Variants in IL1RAPL1 observed in about 807,000 individuals in gnomAD.
The protein encoded by IL1RAPL1 is interleukin-1 receptor accessory protein-like 1.
Under a neutral mutation model 48.4 loss-of-function variants are expected in IL1RAPL1, and 3 were observed. The observed-to-expected ratio is 0.06, with a 90% CI of 0.03 to 0.16. The LOEUF (loss-of-function observed/expected upper bound fraction) is 0.16, where lower values mean the gene tolerates loss of function less well. IL1RAPL1 is among the 10% of genes least tolerant of loss of function. The pLI, the probability that IL1RAPL1 is intolerant of heterozygous loss-of-function variation, is 1.00. For synonymous variants in IL1RAPL1, 185 were observed against 187.7 expected (o/e 0.99, Z 0.12); for missense variants, 349 against 530.6 (o/e 0.66, Z 3.36).
Position 29,472,689 on chromosome X carries a change from A to G in IL1RAPL1, c.703+73381A>G, listed in dbSNP as rs1440579452. 3.6e-5 allele frequency among the ~76,000 whole-genome samples: 4 copies of G among 111,932 alleles called. No homozygotes were observed. In the East Asian group the frequency reaches 1.1e-3, roughly 31 times the overall value. On this transcript the variant is annotated intron_variant, in intron 5 of 10. Transcript: ENST00000378993. ...CTGGGTTCAGATCCAAAGTCTACAC[A>G]TACTCCCCGTGTGAACTTGGAGAAG...
At chrX:28,928,724 C>T (rs748334334) in intron 2 of IL1RAPL1, among the ~76,000 whole-genome samples, 2 of 112,160 alleles carry the variant, frequency 1.8e-5, no homozygotes, top group Admixed American at 1.9e-4. Context: ...GGAACAGTCA[C>T]TCTCAATCAC....
At position 28,806,061 on chromosome X, in the gene IL1RAPL1, C is replaced by T. The variant is rs771311116; in HGVS notation, c.82+16636C>T. 3.6e-5 allele frequency among the ~76,000 whole-genome samples: 4 copies of T among 111,161 alleles called. No homozygotes were observed. In the South Asian group the frequency reaches 1.5e-3, roughly 42 times the overall value. On this transcript the variant is annotated intron_variant, in intron 2 of 10. Transcript: ENST00000378993. ...CCAGAAACTCCTTGAGGAATGATCT[C>T]TATATAGGTTAAGTTCATTAATGAG...
chrX:29,637,156 AT>A (rs972569621), intron 5 of IL1RAPL1, among the ~76,000 whole-genome samples: 66 of 109,672 alleles, frequency 6.0e-4, no homozygotes, highest in African/African-American at 2.2e-3. Context: ...GATGAACTAG[AT>A]TTCTCTGTAT....
intron 2 of IL1RAPL1, among the ~76,000 whole-genome samples, chrX:29,144,366 G>A (rs1235398459): frequency 1.8e-5 from 2 of 109,793 alleles, no homozygotes; most frequent in African/African-American, 6.6e-5. Context: ...ACTTTGGGAG[G>A]CCGAGGCAGG....
intron 5 of IL1RAPL1, among the ~76,000 whole-genome samples, chrX:29,474,285 C>T (rs1169310214): frequency 3.6e-5 from 4 of 111,862 alleles, no homozygotes; most frequent in Non-Finnish European, 7.5e-5. Context: ...TACTTACTCT[C>T]CAAAAATGTA....
chrX:28,993,879 C>T (rs1427529502), intron 2 of IL1RAPL1, among the ~76,000 whole-genome samples: 1 of 111,670 alleles, frequency 9.0e-6, no homozygotes, highest in Non-Finnish European at 1.9e-5. Context: ...CCAACAAGCA[C>T]TCTTAATTTG....
intron 2 of IL1RAPL1, among the ~76,000 whole-genome samples, chrX:28,994,003 A>G (rs1435082567): frequency 9.0e-6 from 1 of 111,453 alleles, no homozygotes; most frequent in Non-Finnish European, 1.9e-5. Flanking sequence ...ACACTGAACA[A>G]ATAGGCTGAA....
chrX:28,702,959 A>C (rs2146930849), intron 1 of IL1RAPL1, among the ~76,000 whole-genome samples: 1 of 111,341 alleles, frequency 9.0e-6, no homozygotes, highest in Admixed American at 9.6e-5. Flanking sequence ...TATCTGAATA[A>C]TCTTCTCAGT....
intron 6 of IL1RAPL1, among the ~76,000 whole-genome samples, chrX:29,912,201 A>G (rs1234233013): frequency 8.9e-6 from 1 of 111,943 alleles, no homozygotes; most frequent in African/African-American, 3.2e-5. Context: ...TAATACCTGA[A>G]TGAGGAGGCT....
intron 2 of IL1RAPL1, among the ~76,000 whole-genome samples, chrX:28,828,458 G>GT (rs778579530): frequency 1.8e-5 from 2 of 111,008 alleles, no homozygotes; most frequent in African/African-American, 6.5e-5. Flanking sequence ...TGACTTGAGA[G>GT]TTTTTTTTAG....
At chrX:28,919,157 T>C (rs1409485665) in intron 2 of IL1RAPL1, among the ~76,000 whole-genome samples, 1 of 111,498 alleles carries the variant, frequency 9.0e-6, no homozygotes, top group African/African-American at 3.3e-5. Flanking sequence ...ACATGAACAG[T>C]ACTTGAACAG....
intron 5 of IL1RAPL1, among the ~76,000 whole-genome samples, chrX:29,541,582 A>C (rs1921440635): frequency 8.9e-6 from 1 of 111,953 alleles, no homozygotes; most frequent in South Asian, 3.7e-4. Context: ...TATATTATCT[A>C]CGCTATGGAA....
chrX:29,820,139 GCTA>G (rs1035326988), intron 6 of IL1RAPL1, among the ~76,000 whole-genome samples: 3 of 106,272 alleles, frequency 2.8e-5, no homozygotes, highest in African/African-American at 6.8e-5. Flanking sequence ...TATAGTATAA[GCTA>G]CTACATGTAT....
At chrX:29,577,438 C>G (rs139486847) in intron 5 of IL1RAPL1, among the ~76,000 whole-genome samples, 1,470 of 111,696 alleles carry the variant, frequency 0.013, 30 homozygotes, top group African/African-American at 0.046. Context: ...GACATCTCTG[C>G]TATATTCCCT....
chrX:29,264,589 T>A (rs1267446257), intron 2 of IL1RAPL1, among the ~76,000 whole-genome samples: 1 of 110,849 alleles, frequency 9.0e-6, no homozygotes, highest in Non-Finnish European at 1.9e-5. Flanking sequence ...AGTGTGAATA[T>A]AATATAGTTA....
At chrX:29,678,781 T>TA (rs2147104588) in intron 6 of IL1RAPL1, among the ~76,000 whole-genome samples, 1 of 111,887 alleles carries the variant, frequency 8.9e-6, no homozygotes, top group Non-Finnish European at 1.9e-5. Flanking sequence ...AATCTTGATT[T>TA]AAAAATTTTT....
chrX:28,945,019 AT>A (rs777415584), intron 2 of IL1RAPL1, among the ~76,000 whole-genome samples: 191 of 111,111 alleles, frequency 1.7e-3, no homozygotes, highest in Non-Finnish European at 2.1e-3. Flanking sequence ...TGTATTAATA[AT>A]TCATTTTATG....
At chrX:29,425,996 C>T (rs1432313168) in intron 5 of IL1RAPL1, among the ~76,000 whole-genome samples, 2 of 111,582 alleles carry the variant, frequency 1.8e-5, no homozygotes, top group African/African-American at 3.3e-5. Context: ...CTTCCCTTTT[C>T]CCTTTGCCAG....
chrX:29,953,813 G>C (rs1323984825), intron 9 of IL1RAPL1, among the ~76,000 whole-genome samples: 1 of 110,657 alleles, frequency 9.0e-6, no homozygotes, highest in Non-Finnish European at 1.9e-5. Flanking sequence ...GTCAGTTGCC[G>C]TTTTCTCTCT....
Sources: allele counts gnomAD v4.1 joint callset (sites outside exome capture counted in the v4.1 genomes callset), GRCh38; gene constraint gnomAD v4.1.1; transcripts MANE v1.5; gene names NCBI Gene and HGNC (gene_info 2026-07-23, HGNC 2026-07-21).